NCOA1: variants seen among roughly 807,000 people sequenced by gnomAD.
The protein encoded by NCOA1 is nuclear receptor coactivator 1, also known as Hin-2 protein.
In NCOA1, 35 loss-of-function variants were observed where a neutral mutation model predicts 150.9. That is an observed-to-expected ratio of 0.23 (90% CI 0.18 to 0.31). NCOA1 has a LOEUF of 0.31. Ranked by LOEUF, NCOA1 falls within the 10% of genes least tolerant of loss-of-function variation. The pLI, the probability that NCOA1 is intolerant of heterozygous loss-of-function variation, is 1.00. For missense variants in NCOA1, 1,491 were observed against 1,749.3 expected, an observed-to-expected ratio of 0.85 and a Z score of 2.63; for synonymous variants, 590 against 630.0, an observed-to-expected ratio of 0.94 and a Z score of 0.95.
intron 1 of NCOA1, among the ~76,000 whole-genome samples, chr2:24,521,814 T>A (rs1664428495): frequency 6.6e-6 from 1 of 152,190 alleles, no homozygotes; most frequent in Admixed American, 6.5e-5. Context: ...CTACTATTTT[T>A]CATAATGGCT....
chr2:24,607,652 T>C (rs1268390241), intron 3 of NCOA1, among the ~76,000 whole-genome samples: 1 of 151,616 alleles, frequency 6.6e-6, no homozygotes, highest in Non-Finnish European at 1.5e-5. Flanking sequence ...ATAGTGCTAC[T>C]GCACTCCAGC....
chr2:24,584,939 G>A (rs554970077), intron 3 of NCOA1, among the ~76,000 whole-genome samples: 6 of 152,270 alleles, frequency 3.9e-5, no homozygotes, highest in Non-Finnish European at 5.9e-5. Context: ...TGAAGAAACC[G>A]GTGTTCAAAA....
At chr2:24,494,308 T>A (rs1206771511) in intron 1 of NCOA1, among the ~76,000 whole-genome samples, 2 of 152,232 alleles carry the variant, frequency 1.3e-5, no homozygotes, top group Admixed American at 6.5e-5. Context: ...TGCTTGGTTG[T>A]CATCAATTTC....
chr2:24,550,270 C>A (rs1010881216), intron 1 of NCOA1, among the ~76,000 whole-genome samples: 5 of 152,190 alleles, frequency 3.3e-5, no homozygotes, highest in Non-Finnish European at 5.9e-5. Context: ...TCAGCAGCAC[C>A]CCCGACTCCC....
Position 24,768,434 on chromosome 2 carries a change from A to G in NCOA1, c.*43A>G. On this transcript the variant is annotated 3_prime_UTR_variant, in exon 23 of 23. Coordinates refer to ENST00000348332, the MANE Select transcript of NCOA1 (RefSeq NM_003743.5). ...TGAAATTTAAATAATAGACATACAGAGATATACAAATATATTATATATTTT... is the reference window on the plus strand; with the variant it reads ...TGAAATTTAAATAATAGACATACAGGGATATACAAATATATTATATATTTT... 7.2e-7 allele frequency: 1 copy of G among 1,396,486 alleles called. No individual in the cohort carries two copies. Among genetic ancestry groups the G allele is most frequent in the Non-Finnish European group, 9.6e-7 (1 of 1,043,906 alleles). The allele number at this position is 1,396,486 out of a possible 1,614,324, so 86.5% of individuals were successfully genotyped here. A position where few individuals can be genotyped will look rare whatever the true frequency, so the allele number is the denominator to read the frequency against.
intron 1 of NCOA1, among the ~76,000 whole-genome samples, chr2:24,505,537 TAAC>T (rs1016098057): frequency 2.0e-5 from 3 of 152,364 alleles, no homozygotes; most frequent in African/African-American, 7.2e-5. Flanking sequence ...GACATTTTAA[TAAC>T]AAATTCAAAG....
intron 11 of NCOA1, among the ~76,000 whole-genome samples, chr2:24,700,605 T>G (rs1053113501): frequency 3.3e-5 from 5 of 152,186 alleles, no homozygotes; most frequent in African/African-American, 1.2e-4. Context: ...ACATTGAGAT[T>G]GGAGGGAAAT....
intron 3 of NCOA1, among the ~76,000 whole-genome samples, chr2:24,602,208 AG>A (rs1405473071): frequency 2.0e-5 from 3 of 152,048 alleles, no homozygotes; most frequent in African/African-American, 7.2e-5. Flanking sequence ...AAGTTTAGCA[AG>A]TTTAAAGTAA....
At chr2:24,526,371 T>A (rs1484796811) in intron 1 of NCOA1, among the ~76,000 whole-genome samples, 1 of 152,170 alleles carries the variant, frequency 6.6e-6, no homozygotes, top group Non-Finnish European at 1.5e-5. Context: ...CTTTCCTCTC[T>A]ACCACTTTTT....
In NCOA1 at chr2:24,742,559, C is replaced by T. The variant is rs149943262; in HGVS notation, c.3706+373C>T. Reference sequence around the variant, plus strand: ...GCATCCTCCACCTCCTGGGCTTAAGCGATTCTCCTGCCTCAGCCTCCCGAG... The same window carrying T: ...GCATCCTCCACCTCCTGGGCTTAAGTGATTCTCCTGCCTCAGCCTCCCGAG... On this transcript the variant is annotated intron_variant, in intron 19 of 22. Coordinates refer to ENST00000348332, the MANE Select transcript of NCOA1 (RefSeq NM_003743.5). Among the ~76,000 whole-genome samples the T allele has an allele frequency of 1.8e-3, 279 of 151,766 alleles. 1 individual carries two copies. Among genetic ancestry groups the T allele is most frequent in the Middle Eastern group, 6.8e-3 (2 of 294 alleles).
rs1671055727 is a variant in NCOA1 at position 24,658,776 on chromosome 2, C to T, written c.89+10C>T. 9 of 1,612,950 alleles carry T rather than the reference C, an allele frequency of 5.6e-6. No homozygotes were observed. The highest frequency in any genetic ancestry group is 6.8e-6 in the Non-Finnish European group (8 of 1,179,046). On this transcript the variant is annotated intron_variant, in intron 5 of 22. Coordinates refer to ENST00000348332, the MANE Select transcript of NCOA1 (RefSeq NM_003743.5). ...ACACACTGGCATCAAGGTAGGAACA[C>T]TCCTCTTAGTCTATTTTTGGCAGAG...
intron 14 of NCOA1, among the ~76,000 whole-genome samples, chr2:24,723,077 A>G (rs1173766885): frequency 1.3e-5 from 2 of 151,652 alleles, no homozygotes. Context: ...TAAGATATTC[A>G]CGGTTCAACA....
chr2:24,613,732 C>T (rs908291317), intron 3 of NCOA1, among the ~76,000 whole-genome samples: 32 of 152,042 alleles, frequency 2.1e-4, no homozygotes, highest in African/African-American at 6.8e-4. Context: ...AAGCTATGCC[C>T]GGGAATGGGG....
intron 7 of NCOA1, among the ~76,000 whole-genome samples, chr2:24,679,265 G>A (rs545701151): frequency 6.6e-6 from 1 of 152,318 alleles, no homozygotes; most frequent in Non-Finnish European, 1.5e-5. Context: ...GGAGGAATAG[G>A]AAGATTCCTT....
At chr2:24,578,188 G>C (rs187072206) in intron 2 of NCOA1, among the ~76,000 whole-genome samples, 1 of 152,116 alleles carries the variant, frequency 6.6e-6, no homozygotes, top group African/African-American at 2.4e-5. Context: ...TAGTAATTTA[G>C]TGTACAGTGA....
chr2:24,535,146 A>G (rs979804427), intron 1 of NCOA1, among the ~76,000 whole-genome samples: 2 of 152,132 alleles, frequency 1.3e-5, no homozygotes, highest in African/African-American at 2.4e-5. Flanking sequence ...TATTGGGTGC[A>G]TATATATTTA....
chr2:24,693,401 C>A, intron 10 of NCOA1, 54 bp downstream of exon 10: 1 of 1,406,772 alleles, frequency 7.1e-7, no homozygotes, highest in South Asian at 1.2e-5. Flanking sequence ...GTGACTCTGC[C>A]CTTAAAACTA....
At chr2:24,514,293 A>T (rs1664063647) in intron 1 of NCOA1, among the ~76,000 whole-genome samples, 1 of 150,420 alleles carries the variant, frequency 6.6e-6, no homozygotes, top group Non-Finnish European at 1.5e-5. Context: ...CTCAAAAAAA[A>T]AAAAAAAAAA....
At chr2:24,536,703 C>G (rs1341260119) in intron 1 of NCOA1, among the ~76,000 whole-genome samples, 1 of 152,190 alleles carries the variant, frequency 6.6e-6, no homozygotes, top group African/African-American at 2.4e-5. Context: ...TTCTAACACT[C>G]AGGTCCCTCA....
Sources: gnomAD v4.1 joint callset for allele counts (sites outside exome capture counted in the v4.1 genomes callset) on GRCh38, gnomAD v4.1.1 for gene constraint, MANE v1.5 for transcripts, NCBI Gene and HGNC (gene_info 2026-07-23, HGNC 2026-07-21) for gene names.